The following ABR variants were observed in gnomAD, a reference collection of about 807,000 sequenced individuals.
ABR encodes the protein active breakpoint cluster region-related protein.
In ABR, 35 loss-of-function variants were observed where a neutral mutation model predicts 107.2. The ratio of observed to expected loss-of-function variants is 0.33; its 90% CI spans 0.25 to 0.43. ABR has a LOEUF of 0.43. Among genes scored for constraint, ABR ranks in the 20% least tolerant of loss-of-function variants. The probability of loss-of-function intolerance (pLI) is 1.00; values close to 1 mark genes in which losing one functional copy is unlikely to be tolerated. For missense variants in ABR, 815 were observed against 1,115.2 expected (o/e 0.73, Z 3.83); for synonymous variants, 498 against 462.0 (o/e 1.08, Z -1.00).
intron 4 of ABR, among the ~76,000 whole-genome samples, chr17:1,089,051 A>G (rs1408717085): frequency 6.6e-6 from 1 of 151,372 alleles, no homozygotes; most frequent in Non-Finnish European, 1.5e-5. Context: ...GCATTCCACC[A>G]CACCCTGCTA....
intron 1 of ABR, among the ~76,000 whole-genome samples, chr17:1,136,144 T>A (rs1954532416): frequency 6.6e-6 from 1 of 152,216 alleles, no homozygotes; most frequent in African/African-American, 2.4e-5. Flanking sequence ...TTTTCTAGGA[T>A]GAAAGTCCTA....
upstream of ABR, among the ~76,000 whole-genome samples, chr17:1,191,273 G>A (rs916833191): frequency 1.3e-5 from 2 of 151,412 alleles, no homozygotes; most frequent in African/African-American, 2.4e-5. Context: ...CCAGCCTCCC[G>A]CCAAGCTTCC....
chr17:1,161,842 A>G (rs922384637), intron 1 of ABR, among the ~76,000 whole-genome samples: 17 of 152,182 alleles, frequency 1.1e-4, no homozygotes, highest in African/African-American at 3.6e-4. Flanking sequence ...GGTGTGAGCC[A>G]CAGCGCCCGG....
intron 1 of ABR, among the ~76,000 whole-genome samples, chr17:1,185,817 T>C (rs1186993118): frequency 1.3e-5 from 2 of 151,988 alleles, no homozygotes; most frequent in Admixed American, 1.3e-4. Context: ...CTTGGTACAG[T>C]AAAGCAGCAT....
intron 16 of ABR, chr17:1,031,585 C>T (rs2072766177): frequency 3.5e-6 from 4 of 1,133,114 alleles, no homozygotes; most frequent in Non-Finnish European, 4.3e-6. Flanking sequence ...GAACCTCCAG[C>T]CCCCGCGGGC....
chr17:1,013,257 C>T lies in ABR; in HGVS notation c.1792-93G>A, dbSNP rs192182780. 1.5e-4 allele frequency: 181 copies of T among 1,246,384 alleles called. 2 individuals are homozygous for T. The East Asian group carries it at 4.1e-3, about 28-fold the overall frequency. The allele number at this position is 1,246,384 out of a possible 1,614,324, so 77.2% of individuals were successfully genotyped here. Reference sequence around the variant, plus strand: ...TCAGCACTGCTCAGAGCCAGCTACACAGTCAGGAAGGCGGAAGTGAGCAGC... The same window carrying T: ...TCAGCACTGCTCAGAGCCAGCTACATAGTCAGGAAGGCGGAAGTGAGCAGC... On this transcript the variant is annotated intron_variant, in intron 16 of 22. Coordinates refer to ENST00000302538, the MANE Select transcript of ABR (RefSeq NM_021962.5).
intron 16 of ABR, among the ~76,000 whole-genome samples, chr17:1,033,696 CG>C (rs2072972057): frequency 6.6e-6 from 1 of 152,188 alleles, no homozygotes; most frequent in Non-Finnish European, 1.5e-5. Flanking sequence ...ACGGTGCACA[CG>C]GAACTTCCTC....
At chr17:1,034,394 A>C (rs1328695693) in intron 16 of ABR, among the ~76,000 whole-genome samples, 1 of 152,234 alleles carries the variant, frequency 6.6e-6, no homozygotes, top group Non-Finnish European at 1.5e-5. Context: ...GTCCATCAAC[A>C]GGAGGCAGAC....
intron 16 of ABR, among the ~76,000 whole-genome samples, chr17:1,034,646 T>C (rs1027057842): frequency 1.3e-5 from 2 of 150,856 alleles, no homozygotes; most frequent in African/African-American, 2.5e-5. Flanking sequence ...GTCCCAGCTT[T>C]ACTCTACCTC....
intron 16 of ABR, among the ~76,000 whole-genome samples, chr17:1,026,448 C>A (rs73285560): frequency 0.015 from 2,355 of 152,284 alleles, 56 homozygotes; most frequent in East Asian, 0.12. Context: ...GGGTCACGGT[C>A]CAGAAAGGAG....
chr17:1,207,189 G>C (rs2042805138), intron 1 of ABR, among the ~76,000 whole-genome samples: 1 of 152,108 alleles, frequency 6.6e-6, no homozygotes, highest in South Asian at 2.1e-4. Context: ...GAGTTCAAGG[G>C]TGCCAGTGAG....
chr17:1,156,608 C>T (rs1245315706), intron 1 of ABR, among the ~76,000 whole-genome samples: 3 of 151,868 alleles, frequency 2.0e-5, no homozygotes, highest in Non-Finnish European at 2.9e-5. Flanking sequence ...CACCTGAACC[C>T]GGGAGGCGGA....
At chr17:1,119,725 C>T (rs1393791380) in intron 2 of ABR, among the ~76,000 whole-genome samples, 1 of 152,208 alleles carries the variant, frequency 6.6e-6, no homozygotes, top group Non-Finnish European at 1.5e-5. Context: ...GCACACCTCC[C>T]AAACTGCAGT....
At chr17:1,110,557 A>C (rs1259849528) in intron 2 of ABR, among the ~76,000 whole-genome samples, 1 of 152,226 alleles carries the variant, frequency 6.6e-6, no homozygotes, top group Non-Finnish European at 1.5e-5. Flanking sequence ...ATTTTAAAAC[A>C]ACATGGTGCC....
At chr17:1,189,888 AGTGAATGAATGAGCAAGT>A (rs60139700), upstream of ABR, among the ~76,000 whole-genome samples, 9,360 of 152,248 alleles carry the variant, frequency 0.061, 959 homozygotes, top group African/African-American at 0.21. Flanking sequence ...AAATAGTTTC[AGTGAATGAATGAGCAAGT>A]GTGAATGAAT....
At chr17:1,146,775 C>A (rs1368803036) in intron 1 of ABR, among the ~76,000 whole-genome samples, 1 of 105,656 alleles carries the variant, frequency 9.5e-6, no homozygotes, top group Non-Finnish European at 2.1e-5. Context: ...ACCACTGCCA[C>A]CAGGCCACCA....
intron 5 of ABR, among the ~76,000 whole-genome samples, chr17:1,080,765 G>T (rs943064429): frequency 3.6e-5 from 5 of 140,036 alleles, no homozygotes. Flanking sequence ...TTTGGGGGGC[G>T]GGGGGGTGGG....
At position 1,004,445 on chromosome 17, in the gene ABR, A is replaced by C. The variant is rs1241071107; in HGVS notation, c.*1635T>G. On this transcript the variant is annotated 3_prime_UTR_variant, in exon 23 of 23. Transcript: ENST00000302538. ...CCTTCTTTAAGACTCAGCCCTGAGCACAAGCAATGGGAACTGAGCTCCCCA... is the reference window on the plus strand; with the variant it reads ...CCTTCTTTAAGACTCAGCCCTGAGCCCAAGCAATGGGAACTGAGCTCCCCA... 2 of 152,530 alleles carry C rather than the reference A, an allele frequency of 1.3e-5. No individual in the cohort carries two copies. Among genetic ancestry groups the C allele is most frequent in the Admixed American group, 1.3e-4 (2 of 15,284 alleles). The allele number at this position is 152,530 out of a possible 1,614,324, so 9.4% of individuals were successfully genotyped here.
At chr17:1,060,248 T>C (rs1422240876) in intron 10 of ABR, among the ~76,000 whole-genome samples, 2 of 151,870 alleles carry the variant, frequency 1.3e-5, no homozygotes, top group Non-Finnish European at 2.9e-5. Context: ...CCGTCTCTAC[T>C]AAAAATGCAA....
Sources: gnomAD v4.1 joint callset for allele counts (sites outside exome capture counted in the v4.1 genomes callset) on GRCh38, gnomAD v4.1.1 for gene constraint, MANE v1.5 for transcripts, NCBI Gene and HGNC (gene_info 2026-07-23, HGNC 2026-07-21) for gene names.